SPEG: variants seen among roughly 807,000 people sequenced by gnomAD.
The protein encoded by SPEG is striated muscle enriched protein kinase.
In SPEG, 114 loss-of-function variants were observed where a neutral mutation model predicts 300.4. The ratio of observed to expected loss-of-function variants is 0.38; its 90% CI spans 0.33 to 0.44. The LOEUF (loss-of-function observed/expected upper bound fraction) is 0.44. Among genes scored for constraint, SPEG ranks in the 20% least tolerant of loss-of-function variants. The probability of loss-of-function intolerance (pLI) is 1.00; values close to 1 mark genes in which losing one functional copy is unlikely to be tolerated. For synonymous variants in SPEG, 1,964 were observed against 2,018.9 expected (o/e 0.97, Z 0.73); for missense variants, 4,201 against 4,586.2 (o/e 0.92, Z 2.43).
At chr2:219,460,670 C>T in intron 6 of SPEG, 1 of 985,492 alleles carries the variant, frequency 1.0e-6, no homozygotes, top group Non-Finnish European at 1.2e-6. Flanking sequence ...CCCTCCCTCC[C>T]CTCTCCCCTC....
At chr2:219,491,686 T>G (rs1693984451) in intron 38 of SPEG, 108 bp from the exon 39 acceptor site, 2 of 838,594 alleles carry the variant, frequency 2.4e-6, no homozygotes, top group Admixed American at 4.0e-5. Flanking sequence ...ATTCCCATGG[T>G]CTGGTGACCA....
At chr2:219,440,817 T>A (rs1317962212) in intron 1 of SPEG, among the ~76,000 whole-genome samples, 1 of 152,192 alleles carries the variant, frequency 6.6e-6, no homozygotes, top group Non-Finnish European at 1.5e-5. Flanking sequence ...CTCATTCACA[T>A]AGAGTGCTTA....
In SPEG at chr2:219,444,340, G is replaced by A. The variant is rs1301077673; in HGVS notation, c.389-313G>A. ...TAAGCTTTCACTGACAAGGGGAGGA[G>A]GGAGAAGGGAGGAGGCTCTGATAAT... On this transcript the variant is annotated intron_variant, in intron 1 of 40. Coordinates refer to ENST00000312358, the MANE Select transcript of SPEG (RefSeq NM_005876.5). This position sits in a 1 kb window ranked among gnomAD's most constrained non-coding sequence, Gnocchi z 7.8. Among the ~76,000 whole-genome samples the A allele has an allele frequency of 6.6e-6, 1 of 152,210 alleles. No homozygotes were observed. Among genetic ancestry groups the A allele is most frequent in the South Asian group, 2.1e-4 (1 of 4,830 alleles).
rs760833103 is a variant in SPEG at position 219,444,952 on chromosome 2, G to C, written c.606G>C (p.Gly202=). The C allele has an allele frequency of 3.1e-6, 5 of 1,597,034 alleles. No homozygotes were observed. Among genetic ancestry groups the C allele is most frequent in the Non-Finnish European group, 4.3e-6 (5 of 1,172,074 alleles). The change falls in exon 3 of 41, where the codon GGG becomes GGC. Residue 202 remains glycine (G), a synonymous_variant. Coordinates refer to ENST00000312358, the MANE Select transcript of SPEG (RefSeq NM_005876.5). The surrounding 1 kb of genome is among the most constrained non-coding windows in gnomAD (Gnocchi z 7.8). ...QTVLEQEAGS[G]GGTRRLPGSP... ...TCCTGGAGCAGGAAGCGGGCAGTGG[G>C]GGTGGCACCCGCCGCCTCCCGGGCA...
In SPEG at chr2:219,489,857, C is replaced by T. The variant is rs768300296; in HGVS notation, c.8839C>T (p.Arg2947Ter). The change falls in exon 36 of 41, where the codon CGA (arginine) becomes TGA (stop). Residue 2947 changes from arginine (R) to a stop codon, truncating the protein, a stop_gained. Coordinates refer to ENST00000312358, the MANE Select transcript of SPEG (RefSeq NM_005876.5). LOFTEE classifies it high-confidence loss of function. ...GGTCAGCTCCCCTGGGAGCAGTCCCCGAAGCTCTCCCAGGCCTGAGGGTAC... is the reference window on the plus strand; with the variant it reads ...GGTCAGCTCCCCTGGGAGCAGTCCCTGAAGCTCTCCCAGGCCTGAGGGTAC... ...EVVSSPGSSP[R>*]SSPRPEGTTL... The T allele has an allele frequency of 6.2e-7, 1 of 1,612,168 alleles. No individual in the cohort carries two copies. Among genetic ancestry groups the T allele is most frequent in the Non-Finnish European group, 8.5e-7 (1 of 1,178,882 alleles).
intron 6 of SPEG, among the ~76,000 whole-genome samples, chr2:219,456,603 T>G (rs1041533149): frequency 5.3e-5 from 8 of 152,216 alleles, no homozygotes; most frequent in African/African-American, 1.9e-4. Flanking sequence ...CAAACTAACA[T>G]AGTCATATAT....
rs1954798648 is a variant in SPEG, at chr2:219,439,299, G to A, written c.388+3934G>A. Among the ~76,000 whole-genome samples the A allele has an allele frequency of 6.6e-6, 1 of 152,176 alleles. No homozygotes were observed. Among genetic ancestry groups the A allele is most frequent in the African/African-American group, 2.4e-5 (1 of 41,438 alleles). On this transcript the variant is annotated intron_variant, in intron 1 of 40. Coordinates refer to ENST00000312358, the MANE Select transcript of SPEG (RefSeq NM_005876.5). This position sits in a 1 kb window ranked among gnomAD's most constrained non-coding sequence, Gnocchi z 4.5. ...CATATTTATTGAGTGCCTACTATGT[G>A]CTTTTGATACACGAGTCAGGGGGTT...
chr2:219,469,256 G>A lies in SPEG; in HGVS notation c.3592G>A (p.Glu1198Lys). Residue 1198 changes from glutamate to lysine, a missense_variant, in exon 13 of 41, where the codon GAG (glutamate) becomes AAG (lysine). By Grantham distance (56) the Glu-to-Lys change is moderately conservative (BLOSUM62 1). Coordinates refer to ENST00000312358, the MANE Select transcript of SPEG (RefSeq NM_005876.5). ...CTTCCTGCGGCCACTGCAGGACCTG[G>A]AGGTGGGACTGGCCAAGGAGGCCAT... is the stretch of plus-strand genomic sequence containing the variant. ...PDFLRPLQDL[E>K]VGLAKEAMLE... 1 of 1,613,910 alleles carries A rather than the reference G, an allele frequency of 6.2e-7. No individual in the cohort carries two copies. Among genetic ancestry groups the A allele is most frequent in the Non-Finnish European group, 8.5e-7 (1 of 1,179,990 alleles).
chr2:219,470,186 C>T (rs1691744876), intron 13 of SPEG, among the ~76,000 whole-genome samples: 1 of 152,198 alleles, frequency 6.6e-6, no homozygotes, highest in Non-Finnish European at 1.5e-5. Context: ...ACCATCTTAC[C>T]TTGCCACAGG....
chr2:219,449,249 C>G lies in SPEG; in HGVS notation c.2091C>G (p.Ala697=), dbSNP rs1457890109. 6 of 1,391,906 alleles carry G rather than the reference C, an allele frequency of 4.3e-6. No homozygotes were observed. The Admixed American group carries it at 1.9e-4, about 43-fold the overall frequency. 86.2% of individuals were successfully genotyped at this position (1,391,906 alleles called of 1,614,324 possible). Residue 697 remains alanine (A), a synonymous_variant, in exon 4 of 41, where the codon GCC becomes GCG. Coordinates refer to ENST00000312358, the MANE Select transcript of SPEG (RefSeq NM_005876.5). ...GARSQGKGRR[A]RPTSPELESS... is the part of the protein sequence containing the mutation. ...GCAGCCAGGGCAAAGGTCGCCGGGC[C>G]CGGCCCACCTCCCCTGAGCTCGGTA...
chr2:219,483,844 G>C lies in SPEG; in HGVS notation c.6381G>C (p.Lys2127Asn). The change falls in exon 30 of 41, where the codon AAG becomes AAC. Residue 2127 changes from lysine (K) to asparagine (N), a missense_variant. Transcript: ENST00000312358. ...QPPLENRGLQ[K>N]SSSFSQGEAE... ...CACTCGAGAACCGGGGCCTGCAAAA[G>C]AGCAGCAGCTTCTCCCAGGGTGAGG... 6.3e-7 allele frequency: 1 copy of C among 1,590,008 alleles called. No individual in the cohort carries two copies. The highest frequency in any genetic ancestry group is 1.1e-5 in the South Asian group (1 of 89,620).
At chr2:219,447,950 C>A (rs1162806051) in intron 3 of SPEG, 24 bp from the exon 4 acceptor site, 1 of 1,608,490 alleles carries the variant, frequency 6.2e-7, no homozygotes, top group African/African-American at 1.3e-5. Flanking sequence ...GAATCCTCTA[C>A]CCTTCTCCAT....
At position 219,477,578 on chromosome 2, in the gene SPEG, C is replaced by T; in HGVS notation, c.4730-111C>T. On this transcript the variant is annotated intron_variant, in intron 20 of 40. Coordinates refer to ENST00000312358, the MANE Select transcript of SPEG (RefSeq NM_005876.5). The surrounding 1 kb of genome is among the most constrained non-coding windows in gnomAD (Gnocchi z 6.4). ...CCCCAGCCCAGCACCCCGCCTTGAG[C>T]CCCCAACATTCTTGCACCTCTTCTC... 1 of 1,357,896 alleles carries T rather than the reference C, an allele frequency of 7.4e-7. No individual in the cohort carries two copies. 84.1% of individuals were successfully genotyped at this position (1,357,896 alleles called of 1,614,324 possible). A position where few individuals can be genotyped will look rare whatever the true frequency, so the allele number is the denominator to read the frequency against.
chr2:219,455,035 A>G (rs1690065090), intron 6 of SPEG, among the ~76,000 whole-genome samples: 1 of 152,228 alleles, frequency 6.6e-6, no homozygotes, highest in South Asian at 2.1e-4. Context: ...CCGAGGTTGC[A>G]GTAAGCCGAG....
Position 219,473,439 on chromosome 2 carries a change from G to A in SPEG, c.4148-65G>A. On this transcript the variant is annotated intron_variant, in intron 16 of 40. Transcript: ENST00000312358. The surrounding 1 kb of genome is among the most constrained non-coding windows in gnomAD (Gnocchi z 4.6). ...TCAAGTGTTGATGAGGGGTGTTAGA[G>A]GAGTGGTGGGTGCTGAGGACCTGAT... is the stretch of plus-strand genomic sequence containing the variant. 6.7e-7 allele frequency: 1 copy of A among 1,487,950 alleles called. No homozygotes were observed. The highest frequency in any genetic ancestry group is 1.4e-5 in the African/African-American group (1 of 72,472). 92.2% of individuals were successfully genotyped at this position (1,487,950 alleles called of 1,614,324 possible).
In SPEG at chr2:219,459,639, C is replaced by T. The variant is rs541352438; in HGVS notation, c.2441-2243C>T. ...ACCATCTGGCCTTCAGCTCTGCTTC[C>T]GTTCCCAGTCCCTGGGCCCGTGAGC... is the stretch of plus-strand genomic sequence containing the variant. On this transcript the variant is annotated intron_variant, in intron 6 of 40. Coordinates refer to ENST00000312358, the MANE Select transcript of SPEG (RefSeq NM_005876.5). This position sits in a 1 kb window ranked among gnomAD's most constrained non-coding sequence, Gnocchi z 4.9. 1.3e-5 allele frequency among the ~76,000 whole-genome samples: 2 copies of T among 152,318 alleles called. No homozygotes were observed. Among genetic ancestry groups the T allele is most frequent in the Non-Finnish European group, 2.9e-5 (2 of 68,024 alleles).
chr2:219,492,580 G>C lies in SPEG; in HGVS notation c.9612-14G>C, dbSNP rs1442276465. 2 of 1,605,552 alleles carry C rather than the reference G, an allele frequency of 1.2e-6. No individual in the cohort carries two copies. The highest frequency in any genetic ancestry group is 3.3e-5 in the Admixed American group (2 of 59,970). On this transcript the variant is annotated splice_polypyrimidine_tract_variant and intron_variant, in intron 40 of 40. Transcript: ENST00000312358. ...CTTCCTTCCAGGTTCATCATCCCTG[G>C]CTCTGCCTGGCAGGAGCCGGCCCTC...
intron 28 of SPEG, 122 bp from the exon 29 acceptor site, chr2:219,482,662 C>T: frequency 1.3e-6 from 1 of 796,726 alleles, no homozygotes; most frequent in Non-Finnish European, 2.1e-6. Flanking sequence ...GGAGCCCAGA[C>T]TCAGTGCTGC....
At chr2:219,470,299 G>A (rs534078117) in intron 13 of SPEG, among the ~76,000 whole-genome samples, 2 of 137,366 alleles carry the variant, frequency 1.5e-5, no homozygotes, top group Admixed American at 6.9e-5. Flanking sequence ...TCTGACCCTG[G>A]TGCCCAGCTC....
Sources: allele counts gnomAD v4.1 joint callset (sites outside exome capture counted in the v4.1 genomes callset), GRCh38; gene constraint gnomAD v4.1.1; non-coding constraint Gnocchi (gnomAD v3.1); transcripts MANE v1.5; gene names NCBI Gene and HGNC (gene_info 2026-07-23, HGNC 2026-07-21).